The following DGKB variants were observed in gnomAD, a reference collection of about 807,000 sequenced individuals.
DGKB encodes the protein 90 kDa diacylglycerol kinase.
In DGKB, 67 loss-of-function variants were observed where a neutral mutation model predicts 114.3. That is an observed-to-expected ratio of 0.59 (90% confidence interval 0.48 to 0.72). The LOEUF (loss-of-function observed/expected upper bound fraction) is 0.72, where lower values mean the gene tolerates loss of function less well. DGKB is among the 30% of genes least tolerant of loss of function. DGKB has a pLI of 0.00. For missense variants in DGKB, 907 were observed against 975.2 expected (o/e 0.93, Z 0.93); for synonymous variants, 398 against 323.1 (o/e 1.23, Z -2.49).
intron 23 of DGKB, among the ~76,000 whole-genome samples, chr7:14,304,753 T>C (rs1269632903): frequency 6.6e-6 from 1 of 152,164 alleles, no homozygotes; most frequent in Non-Finnish European, 1.5e-5. Flanking sequence ...TTGTGGAATT[T>C]CTCAGTTGTT....
chr7:14,477,629 T>C (rs1369547224), intron 21 of DGKB, among the ~76,000 whole-genome samples: 1 of 152,164 alleles, frequency 6.6e-6, no homozygotes, highest in Non-Finnish European at 1.5e-5. Context: ...TGCCTATTGC[T>C]CTTATGAGGA....
chr7:14,851,061 C>A (rs886605326), intron 1 of DGKB, among the ~76,000 whole-genome samples: 1 of 152,096 alleles, frequency 6.6e-6, no homozygotes, highest in Non-Finnish European at 1.5e-5. Flanking sequence ...TGGTTATTTT[C>A]TCTTTGCTTT....
intron 20 of DGKB, 34 bp from the exon 21 acceptor site, chr7:14,478,259 G>A: frequency 7.7e-7 from 1 of 1,302,874 alleles, no homozygotes; most frequent in Non-Finnish European, 1.1e-6. Flanking sequence ...AAAACAGGAT[G>A]GTTTATGATC....
intron 25 of DGKB, among the ~76,000 whole-genome samples, chr7:14,169,694 G>T (rs550664933): frequency 6.6e-6 from 1 of 152,272 alleles, no homozygotes; most frequent in Admixed American, 6.5e-5. Context: ...GTGTTGGTCA[G>T]TAGTAATTCT....
chr7:14,162,730 A>G (rs10255926), intron 25 of DGKB, among the ~76,000 whole-genome samples: 75,082 of 152,058 alleles, frequency 0.49, 18,833 homozygotes, highest in East Asian at 0.64. Flanking sequence ...AGAGTGACAA[A>G]AATGTAAGTT....
intron 2 of DGKB, among the ~76,000 whole-genome samples, chr7:14,811,638 G>A (rs921494713): frequency 6.6e-6 from 1 of 152,070 alleles, no homozygotes. Flanking sequence ...AGGTGAAGGT[G>A]ATAATTCAAA....
intron 2 of DGKB, among the ~76,000 whole-genome samples, chr7:14,798,285 A>G (rs1301512708): frequency 6.6e-6 from 1 of 152,078 alleles, no homozygotes; most frequent in Non-Finnish European, 1.5e-5. Context: ...CTGTCTGCCT[A>G]GGAATTTGTC....
At chr7:14,615,986 G>T (rs1478292966) in intron 15 of DGKB, among the ~76,000 whole-genome samples, 1 of 150,994 alleles carries the variant, frequency 6.6e-6, no homozygotes, top group Non-Finnish European at 1.5e-5. Flanking sequence ...AAAGTTTTAT[G>T]GAAATATCTT....
chr7:14,871,069 C>T (rs766894874), intron 1 of DGKB, among the ~76,000 whole-genome samples: 13 of 250 alleles, frequency 0.052, 6 homozygotes, highest in African/African-American at 0.052. Context: ...CCAGCCTGGG[C>T]GACAGAGCGA....
chr7:14,450,168 T>C (rs1462441450), intron 21 of DGKB, among the ~76,000 whole-genome samples: 2 of 152,120 alleles, frequency 1.3e-5, no homozygotes, highest in African/African-American at 4.8e-5. Context: ...ATTTTTGAAA[T>C]TGTAAGTCCA....
At chr7:14,500,525 G>C (rs1242295509) in intron 20 of DGKB, among the ~76,000 whole-genome samples, 2 of 151,140 alleles carry the variant, frequency 1.3e-5, no homozygotes, top group African/African-American at 4.9e-5. Flanking sequence ...AAGAGTACAA[G>C]TTTATTTCAA....
At chr7:14,886,715 C>T (rs1174784322) in intron 1 of DGKB, among the ~76,000 whole-genome samples, 1 of 151,924 alleles carries the variant, frequency 6.6e-6, no homozygotes, top group Non-Finnish European at 1.5e-5. Flanking sequence ...CTGGCTACCA[C>T]CTTCCATCTG....
At chr7:14,156,314 A>G (rs1039313074) in intron 25 of DGKB, among the ~76,000 whole-genome samples, 8 of 152,156 alleles carry the variant, frequency 5.3e-5, no homozygotes, top group African/African-American at 1.9e-4. Flanking sequence ...ACTGAATGAT[A>G]TTTAAGTAGT....
At chr7:14,233,176 C>A (rs1394858574) in intron 23 of DGKB, among the ~76,000 whole-genome samples, 2 of 152,000 alleles carry the variant, frequency 1.3e-5, no homozygotes, top group Non-Finnish European at 2.9e-5. Context: ...TAAGAAGGGA[C>A]TTGCCTTAAG....
rs906300067 is a variant in DGKB, at chr7:14,148,018, A to G, written c.*1113T>C. On this transcript the variant is annotated 3_prime_UTR_variant, in exon 26 of 26. Coordinates refer to ENST00000402815, the MANE Select transcript of DGKB (RefSeq NM_001350709.2). ...ATTATTACAGGTACCCATTTATACT[A>G]GAAATAAACTGATACAATCATTTAC... 1 of 152,158 alleles carries G rather than the reference A, an allele frequency of 6.6e-6. No homozygotes were observed. The highest frequency in any genetic ancestry group is 2.4e-5 in the African/African-American group (1 of 41,470). 9.4% of individuals were successfully genotyped at this position (152,158 alleles called of 1,614,324 possible).
At chr7:14,245,038 G>C (rs1345535695) in intron 23 of DGKB, among the ~76,000 whole-genome samples, 1 of 152,084 alleles carries the variant, frequency 6.6e-6, no homozygotes, top group Non-Finnish European at 1.5e-5. Context: ...GGAGAGTCAT[G>C]TATGCAGTAC....
intron 21 of DGKB, among the ~76,000 whole-genome samples, chr7:14,436,500 A>AT (rs1829292405): frequency 6.6e-6 from 1 of 151,896 alleles, no homozygotes; most frequent in African/African-American, 2.4e-5. Flanking sequence ...CCCCCTGGAC[A>AT]TTTATTTTGG....
chr7:14,567,492 T>A (rs190711561), intron 20 of DGKB, among the ~76,000 whole-genome samples: 1,102 of 87,722 alleles, frequency 0.013, 17 homozygotes, highest in Admixed American at 0.02. Context: ...ATTTATATAT[T>A]ATATATAATT....
intron 1 of DGKB, among the ~76,000 whole-genome samples, chr7:14,864,684 G>T: frequency 6.6e-6 from 1 of 151,964 alleles, no homozygotes; most frequent in East Asian, 1.9e-4. Context: ...GATTAGCCAG[G>T]CAGAAAGAAC....
Sources: allele counts gnomAD v4.1 joint callset (sites outside exome capture counted in the v4.1 genomes callset), GRCh38; gene constraint gnomAD v4.1.1; transcripts MANE v1.5; gene names NCBI Gene and HGNC (gene_info 2026-07-23, HGNC 2026-07-21).